Variants in SLC68A1 observed in about 807,000 individuals in gnomAD.
The protein encoded by SLC68A1 is major facilitator superfamily domain containing 13A.
the SLC68A1 span, chr10:102,470,937 T>G: frequency 6.2e-7 from 1 of 1,613,390 alleles, no homozygotes. Flanking sequence ...GCCGGCTCCC[T>G]CTCTGTCTTT....
At chr10:102,467,054 T>G in the SLC68A1 span, among the ~76,000 whole-genome samples, 1 of 152,224 alleles carries the variant, frequency 6.6e-6, no homozygotes, top group Non-Finnish European at 1.5e-5. Context: ...TTATTTCTTT[T>G]TGAGGTAGAG....
the SLC68A1 span, among the ~76,000 whole-genome samples, chr10:102,464,932 A>G: frequency 1.3e-5 from 2 of 152,084 alleles, no homozygotes; most frequent in African/African-American, 4.8e-5. Context: ...CAGCCTGGCC[A>G]ATATGGTGAA....
the SLC68A1 span, among the ~76,000 whole-genome samples, chr10:102,465,074 G>A: frequency 6.6e-5 from 10 of 152,068 alleles, no homozygotes; most frequent in Non-Finnish European, 1.0e-4. Flanking sequence ...CCAATATGGT[G>A]AAACCCCGTC....
At chr10:102,464,338 C>T in the SLC68A1 span, among the ~76,000 whole-genome samples, 1 of 152,104 alleles carries the variant, frequency 6.6e-6, no homozygotes, top group Non-Finnish European at 1.5e-5. Flanking sequence ...GTGATCCCAA[C>T]CATTTGGGAG....
the SLC68A1 span, chr10:102,476,367 C>G: frequency 2.5e-6 from 1 of 396,830 alleles, no homozygotes; most frequent in Non-Finnish European, 3.5e-6. Flanking sequence ...TGTGGCCAAC[C>G]TAATTTTTGT....
the SLC68A1 span, among the ~76,000 whole-genome samples, chr10:102,466,949 C>T: frequency 2.6e-5 from 4 of 152,372 alleles, no homozygotes; most frequent in East Asian, 3.8e-4. Context: ...GTGTGGCGGG[C>T]ATGGGGCCTC....
the SLC68A1 span, among the ~76,000 whole-genome samples, chr10:102,465,108 A>AT: frequency 6.6e-6 from 1 of 151,966 alleles, no homozygotes; most frequent in Non-Finnish European, 1.5e-5. Flanking sequence ...CAAAAAAAAA[A>AT]TTTGCCGAGT....
At chr10:102,465,695 C>T in the SLC68A1 span, among the ~76,000 whole-genome samples, 3 of 152,112 alleles carry the variant, frequency 2.0e-5, no homozygotes, top group Non-Finnish European at 4.4e-5. Flanking sequence ...TGCAAGGAGG[C>T]TGGTGTGGGC....
chr10:102,473,024 C>T, the SLC68A1 span: 11 of 1,213,700 alleles, frequency 9.1e-6, no homozygotes, highest in African/African-American at 1.5e-4. Context: ...GATGGGGTTT[C>T]ACCGTATTAG....
the SLC68A1 span, chr10:102,476,075 G>GTTT: frequency 6.4e-3 from 7,096 of 1,101,706 alleles, 6 homozygotes; most frequent in South Asian, 7.0e-3. Flanking sequence ...GGATTTCATA[G>GTTT]TTTTTTTTTT....
At chr10:102,469,081 G>C in the SLC68A1 span, 1 of 1,614,096 alleles carries the variant, frequency 6.2e-7, no homozygotes, top group South Asian at 1.1e-5. Context: ...CACAGCTGTG[G>C]TCTATGGCTC....
the SLC68A1 span, among the ~76,000 whole-genome samples, chr10:102,462,374 TTAAAGA>T: frequency 6.6e-6 from 1 of 152,214 alleles, no homozygotes; most frequent in African/African-American, 2.4e-5. Context: ...AGATAGTAAG[TTAAAGA>T]TAATGTTCAC....
chr10:102,471,242 A>C, the SLC68A1 span: 1 of 1,609,274 alleles, frequency 6.2e-7, no homozygotes, highest in Non-Finnish European at 8.5e-7. Flanking sequence ...GGCCAGCCCC[A>C]GGCAGTTCTC....
chr10:102,471,035 C>T, the SLC68A1 span: 1 of 1,613,706 alleles, frequency 6.2e-7, no homozygotes, highest in Non-Finnish European at 8.5e-7. Context: ...GCTGGGCTTT[C>T]TGGGGGCCAC....
the SLC68A1 span, chr10:102,473,655 G>T: frequency 6.2e-7 from 1 of 1,614,056 alleles, no homozygotes; most frequent in African/African-American, 1.3e-5. Flanking sequence ...TGGTGCGGGG[G>T]CTCTTCCTGC....
At chr10:102,464,049 T>G in the SLC68A1 span, among the ~76,000 whole-genome samples, 2 of 152,206 alleles carry the variant, frequency 1.3e-5, no homozygotes, top group Non-Finnish European at 2.9e-5. Context: ...TTGATTGATG[T>G]TGCCCCAGCT....
the SLC68A1 span, chr10:102,472,104 A>C: frequency 2.2e-6 from 1 of 450,328 alleles, no homozygotes; most frequent in African/African-American, 2.0e-5. Context: ...TCGAGGCTGC[A>C]ATGAGTTATG....
At chr10:102,467,945 C>T in the SLC68A1 span, among the ~76,000 whole-genome samples, 5 of 152,092 alleles carry the variant, frequency 3.3e-5, no homozygotes, top group Admixed American at 1.3e-4. Context: ...GCGTGAGCCA[C>T]GGCACCCGGC....
the SLC68A1 span, chr10:102,475,743 C>T: frequency 1.9e-6 from 3 of 1,603,070 alleles, no homozygotes; most frequent in Admixed American, 3.4e-5. Flanking sequence ...TTCCAGCAGT[C>T]CCTCATAACC....
Sources: gnomAD v4.1 joint callset for allele counts (sites outside exome capture counted in the v4.1 genomes callset) on GRCh38, gnomAD v4.1.1 for gene constraint, MANE v1.5 for transcripts, NCBI Gene and HGNC (gene_info 2026-07-23, HGNC 2026-07-21) for gene names.